GALNT2: variants seen among roughly 807,000 people sequenced by gnomAD.
GALNT2 encodes the protein polypeptide N-acetylgalactosaminyltransferase 2.
Under a neutral mutation model 81.4 loss-of-function variants are expected in GALNT2, and 31 were observed. The observed-to-expected ratio is 0.38, with a 90% confidence interval of 0.29 to 0.51. The LOEUF (loss-of-function observed/expected upper bound fraction) is 0.51. Ranked by LOEUF, GALNT2 falls within the 20% of genes least tolerant of loss-of-function variation. GALNT2 has a pLI of 0.87. For missense variants in GALNT2, 629 were observed against 765.7 expected (o/e 0.82, Z 2.11); for synonymous variants, 303 against 287.4 (o/e 1.05, Z -0.55).
intron 1 of GALNT2, among the ~76,000 whole-genome samples, chr1:230,074,043 T>C (rs6684432): frequency 0.92 from 139,449 of 151,892 alleles, 64,097 homozygotes; most frequent in Admixed American, 0.95. Context: ...CTTTCGGGAC[T>C]GTGGTTGCTC....
At chr1:230,125,144 T>C (rs1661136813) in intron 1 of GALNT2, among the ~76,000 whole-genome samples, 1 of 152,254 alleles carries the variant, frequency 6.6e-6, no homozygotes, top group Non-Finnish European at 1.5e-5. Flanking sequence ...GGTTATGCAT[T>C]GTTGGCTGCC....
At chr1:230,199,470 C>A (rs1002648463) in intron 2 of GALNT2, among the ~76,000 whole-genome samples, 1 of 152,110 alleles carries the variant, frequency 6.6e-6, no homozygotes, top group Admixed American at 6.5e-5. Context: ...GTGGTGAAGC[C>A]AGTTTCGAGA....
At chr1:230,106,096 G>T (rs1365578766) in intron 1 of GALNT2, among the ~76,000 whole-genome samples, 2 of 152,192 alleles carry the variant, frequency 1.3e-5, no homozygotes, top group Non-Finnish European at 2.9e-5. Flanking sequence ...AGTGCATGAG[G>T]GTATGCCAAC....
chr1:230,241,367 A>G (rs1388907618), intron 6 of GALNT2, among the ~76,000 whole-genome samples: 1 of 152,076 alleles, frequency 6.6e-6, no homozygotes, highest in Non-Finnish European at 1.5e-5. Flanking sequence ...TTGGGCAGTT[A>G]AATTACCAGA....
chr1:230,114,412 G>A (rs1218749886), intron 1 of GALNT2, among the ~76,000 whole-genome samples: 1 of 152,258 alleles, frequency 6.6e-6, no homozygotes, highest in Non-Finnish European at 1.5e-5. Context: ...GCGAAATTCA[G>A]TGAGGCACTT....
At chr1:230,223,191 CTTT>C (rs68127660) in intron 3 of GALNT2, among the ~76,000 whole-genome samples, 1 of 139,214 alleles carries the variant, frequency 7.2e-6, no homozygotes, top group Admixed American at 7.1e-5. Flanking sequence ...TTTTTCTTTT[CTTT>C]TTTTTTTTTT....
chr1:230,111,261 A>T (rs1660698294), intron 1 of GALNT2, among the ~76,000 whole-genome samples: 1 of 106,578 alleles, frequency 9.4e-6, no homozygotes, highest in South Asian at 3.5e-4. Flanking sequence ...ATTTGTGCAC[A>T]CGTGCACACT....
chr1:230,259,499 GA>G (rs1396661479), intron 11 of GALNT2: 2 of 152,222 alleles, frequency 1.3e-5, no homozygotes, highest in East Asian at 3.8e-4. Flanking sequence ...TTGCAATAGA[GA>G]AAGAGTTTAG....
rs1483354449 is a variant in GALNT2, at chr1:230,067,243, C to A, written c.-38C>A. ...CCGCGGCCGGCCCAGGCAGCACTCGCGAGCAGCGGCGGCCCCGCCGGCGGC... is the reference window on the plus strand; with the variant it reads ...CCGCGGCCGGCCCAGGCAGCACTCGAGAGCAGCGGCGGCCCCGCCGGCGGC... On this transcript the variant is annotated 5_prime_UTR_variant, in exon 1 of 16. Coordinates refer to ENST00000366672, the MANE Select transcript of GALNT2 (RefSeq NM_004481.5). 4.8e-6 allele frequency: 6 copies of A among 1,242,516 alleles called. No individual in the cohort carries two copies. The highest frequency in any genetic ancestry group is 2.5e-5 in the South Asian group (1 of 40,224). The allele number at this position is 1,242,516 out of a possible 1,614,324, so 77.0% of individuals were successfully genotyped here. A position where few individuals can be genotyped will look rare whatever the true frequency, so the allele number is the denominator to read the frequency against.
At chr1:230,107,646 T>C (rs1232891208) in intron 1 of GALNT2, among the ~76,000 whole-genome samples, 1 of 91,298 alleles carries the variant, frequency 1.1e-5, no homozygotes, top group South Asian at 4.1e-4. Flanking sequence ...GTGTGTGTGG[T>C]TGGTTGGTTG....
At chr1:230,195,370 A>T (rs1663658233) in intron 2 of GALNT2, among the ~76,000 whole-genome samples, 1 of 152,174 alleles carries the variant, frequency 6.6e-6, no homozygotes, top group Non-Finnish European at 1.5e-5. Flanking sequence ...CCCTGGCAAG[A>T]GGGTTTTAGA....
chr1:230,067,276 G>T lies in GALNT2; in HGVS notation c.-5G>T. On this transcript the variant is annotated 5_prime_UTR_variant, in exon 1 of 16. Transcript: ENST00000366672. ...GGCGGCCCCGCCGGCGGCCGAGTTG[G>T]GAGAATGCGGCGGCGCTCGCGGATG... 1 of 1,342,878 alleles carries T rather than the reference G, an allele frequency of 7.4e-7. No homozygotes were observed. The highest frequency in any genetic ancestry group is 9.7e-7 in the Non-Finnish European group (1 of 1,034,686). 83.2% of individuals were successfully genotyped at this position (1,342,878 alleles called of 1,614,324 possible).
At chr1:230,252,939 C>T (rs151243806) in intron 10 of GALNT2, among the ~76,000 whole-genome samples, 2,540 of 143,616 alleles carry the variant, frequency 0.018, 69 homozygotes, top group African/African-American at 0.063. Flanking sequence ...GTTCGCCTCC[C>T]GGGTTCAAGT....
chr1:230,198,762 A>G (rs1235869510), intron 2 of GALNT2, among the ~76,000 whole-genome samples: 1 of 152,208 alleles, frequency 6.6e-6, no homozygotes, highest in Non-Finnish European at 1.5e-5. Context: ...AAGGTCAAAC[A>G]ATTCCTTCTT....
chr1:230,208,433 G>A (rs1193324142), intron 3 of GALNT2, among the ~76,000 whole-genome samples: 1 of 152,144 alleles, frequency 6.6e-6, no homozygotes, highest in East Asian at 1.9e-4. Flanking sequence ...ATGTGGACAT[G>A]TTAATGCTGC....
intron 1 of GALNT2, among the ~76,000 whole-genome samples, chr1:230,148,107 G>A (rs1661978556): frequency 6.6e-6 from 1 of 151,914 alleles, no homozygotes; most frequent in Non-Finnish European, 1.5e-5. Context: ...CCTCCCACTT[G>A]CCCACACTCT....
At chr1:230,185,648 G>A (rs550967777) in intron 2 of GALNT2, among the ~76,000 whole-genome samples, 13 of 152,256 alleles carry the variant, frequency 8.5e-5, no homozygotes, top group African/African-American at 2.2e-4. Context: ...AGTTTCTCCC[G>A]ATGGCAGGCC....
intron 3 of GALNT2, among the ~76,000 whole-genome samples, chr1:230,235,104 C>T (rs1157273844): frequency 6.7e-6 from 1 of 149,806 alleles, no homozygotes; most frequent in African/African-American, 2.5e-5. Context: ...ATCCCAGCTA[C>T]TTGGGAGGCT....
intron 1 of GALNT2, among the ~76,000 whole-genome samples, chr1:230,068,557 C>T (rs111454561): frequency 6.6e-6 from 1 of 152,186 alleles, no homozygotes; most frequent in Non-Finnish European, 1.5e-5. Flanking sequence ...GAGTGGTATC[C>T]TGAAACAAGC....
Sources: allele counts gnomAD v4.1 joint callset (sites outside exome capture counted in the v4.1 genomes callset), GRCh38; gene constraint gnomAD v4.1.1; transcripts MANE v1.5; gene names NCBI Gene and HGNC (gene_info 2026-07-23, HGNC 2026-07-21).